SPOCK3: variants seen among roughly 807,000 people sequenced by gnomAD.
SPOCK3 encodes SPARC (osteonectin), cwcv and kazal like domains proteoglycan 3.
In SPOCK3, 30 loss-of-function variants were observed where a neutral mutation model predicts 56.6. That is an observed-to-expected ratio of 0.53 (90% CI 0.40 to 0.72). SPOCK3 has a LOEUF of 0.72. Ranked by LOEUF, SPOCK3 falls within the 30% of genes least tolerant of loss-of-function variation. The pLI is 0.00. For synonymous variants in SPOCK3, 196 were observed against 183.3 expected (o/e 1.07, Z -0.56); for missense variants, 527 against 530.0 (o/e 0.99, Z 0.06).
At chr4:167,037,232 C>A (rs1461882904) in intron 3 of SPOCK3, among the ~76,000 whole-genome samples, 1 of 152,038 alleles carries the variant, frequency 6.6e-6, no homozygotes, top group Non-Finnish European at 1.5e-5. Flanking sequence ...ACCTGGAATA[C>A]CAGCAAGTTG....
chr4:166,926,892 C>T (rs1439149419), intron 4 of SPOCK3, among the ~76,000 whole-genome samples: 1 of 152,080 alleles, frequency 6.6e-6, no homozygotes, highest in Non-Finnish European at 1.5e-5. Context: ...CTGTCTCTCT[C>T]GCGTTTCAAC....
intron 2 of SPOCK3, among the ~76,000 whole-genome samples, chr4:167,083,872 A>T (rs1216060440): frequency 6.6e-6 from 1 of 152,146 alleles, no homozygotes; most frequent in Non-Finnish European, 1.5e-5. Context: ...TTGTTATGTT[A>T]CATTTTTCTA....
At chr4:167,198,990 A>G (rs1004140335) in intron 2 of SPOCK3, among the ~76,000 whole-genome samples, 4 of 152,126 alleles carry the variant, frequency 2.6e-5, no homozygotes, top group African/African-American at 9.7e-5. Context: ...CCCATTATTC[A>G]TATTGCATTG....
rs190904375 is a variant in SPOCK3, at chr4:167,205,209, T to C, written c.189+28776A>G. Among the ~76,000 whole-genome samples the C allele has an allele frequency of 8.0e-3, 793 of 99,258 alleles. 10 individuals carry two copies. Among genetic ancestry groups the C allele is most frequent in the African/African-American group, 0.026 (625 of 24,076 alleles). The allele number at this position is 99,258 out of a possible 152,430, so 65.1% of individuals were successfully genotyped here. On this transcript the variant is annotated intron_variant, in intron 2 of 10. Transcript: ENST00000357545. Reference sequence around the variant, plus strand: ...GATATTTTATATCTATAATATATATTATATATTATATATTTTATATCTATA... The same window carrying C: ...GATATTTTATATCTATAATATATATCATATATTATATATTTTATATCTATA...
chr4:166,794,210 CAAAAAAA>C (rs10710162), intron 6 of SPOCK3, among the ~76,000 whole-genome samples: 7 of 73,624 alleles, frequency 9.5e-5, no homozygotes, highest in Admixed American at 3.5e-4. Context: ...GGTGATAAGG[CAAAAAAA>C]AAAAAAAAAA....
At chr4:166,742,745 C>T (rs956120678) in intron 8 of SPOCK3, among the ~76,000 whole-genome samples, 7 of 151,952 alleles carry the variant, frequency 4.6e-5, no homozygotes, top group East Asian at 1.9e-4. Context: ...ACATTTAAAC[C>T]GATCTGGAAA....
chr4:167,124,062 A>G (rs905742553), intron 2 of SPOCK3, among the ~76,000 whole-genome samples: 40 of 151,968 alleles, frequency 2.6e-4, no homozygotes, highest in African/African-American at 9.7e-4. Flanking sequence ...GACATTCTTA[A>G]TGGTATGTTT....
intron 3 of SPOCK3, among the ~76,000 whole-genome samples, chr4:167,054,141 A>G (rs150763543): frequency 1.3e-5 from 2 of 152,250 alleles, no homozygotes; most frequent in East Asian, 3.9e-4. Context: ...AGAAAATAAC[A>G]CTTAAATAAA....
At chr4:167,045,959 A>G (rs1753672306) in intron 3 of SPOCK3, among the ~76,000 whole-genome samples, 1 of 152,142 alleles carries the variant, frequency 6.6e-6, no homozygotes, top group Non-Finnish European at 1.5e-5. Context: ...TCTCCGAAGA[A>G]CTTCTTTTAA....
intron 9 of SPOCK3, 120 bp from the exon 10 acceptor site, chr4:166,737,724 C>A: frequency 9.3e-7 from 1 of 1,073,102 alleles, no homozygotes; most frequent in East Asian, 2.6e-5. Flanking sequence ...TATGGAGTGT[C>A]CACTGTATTC....
intron 2 of SPOCK3, among the ~76,000 whole-genome samples, chr4:167,132,122 A>G (rs907983289): frequency 2.6e-5 from 4 of 152,226 alleles, no homozygotes; most frequent in Non-Finnish European, 4.4e-5. Flanking sequence ...AATTTTTAAA[A>G]AAGTTTTGTA....
At chr4:167,225,622 T>C (rs1736516834) in intron 2 of SPOCK3, among the ~76,000 whole-genome samples, 1 of 152,066 alleles carries the variant, frequency 6.6e-6, no homozygotes, top group Non-Finnish European at 1.5e-5. Flanking sequence ...GATAAATAAA[T>C]AGGAACGTTT....
intron 6 of SPOCK3, among the ~76,000 whole-genome samples, chr4:166,793,882 A>G (rs1285395371): frequency 6.6e-6 from 1 of 152,168 alleles, no homozygotes; most frequent in African/African-American, 2.4e-5. Flanking sequence ...CTAACCATCC[A>G]TACAATCTTT....
chr4:166,911,639 G>A (rs1277005714), intron 5 of SPOCK3, among the ~76,000 whole-genome samples: 1 of 152,118 alleles, frequency 6.6e-6, no homozygotes, highest in Non-Finnish European at 1.5e-5. Context: ...CCTGGTTCAA[G>A]TCATTCTTCT....
chr4:166,844,374 G>C (rs1361032633), intron 6 of SPOCK3, among the ~76,000 whole-genome samples: 2 of 152,178 alleles, frequency 1.3e-5, no homozygotes, highest in African/African-American at 4.8e-5. Context: ...TCTATTCTAT[G>C]AATCAACCTG....
At chr4:166,967,145 C>T (rs1225025448) in intron 4 of SPOCK3, among the ~76,000 whole-genome samples, 2 of 152,138 alleles carry the variant, frequency 1.3e-5, no homozygotes, top group Non-Finnish European at 2.9e-5. Context: ...ACCTGATCTG[C>T]AAATTTGGTC....
chr4:167,214,259 G>T (rs1013755701), intron 2 of SPOCK3, among the ~76,000 whole-genome samples: 1 of 152,020 alleles, frequency 6.6e-6, no homozygotes, highest in East Asian at 1.9e-4. Context: ...TTTTTATGTA[G>T]TTTAAAGAAT....
chr4:166,993,057 G>T (rs1747970900), intron 4 of SPOCK3, among the ~76,000 whole-genome samples: 1 of 152,046 alleles, frequency 6.6e-6, no homozygotes, highest in Admixed American at 6.6e-5. Context: ...TGAAATCTTG[G>T]TATACAAGAT....
At chr4:166,877,955 G>C (rs1733267861) in intron 6 of SPOCK3, among the ~76,000 whole-genome samples, 1 of 151,962 alleles carries the variant, frequency 6.6e-6, no homozygotes, top group African/African-American at 2.4e-5. Context: ...CATCACCTTG[G>C]AAATATGAAA....
Sources: gnomAD v4.1 joint callset for allele counts (sites outside exome capture counted in the v4.1 genomes callset) on GRCh38, gnomAD v4.1.1 for gene constraint, MANE v1.5 for transcripts, NCBI Gene and HGNC (gene_info 2026-07-23, HGNC 2026-07-21) for gene names.